ENPP6: variants seen among roughly 807,000 people sequenced by gnomAD.
The protein encoded by ENPP6 is glycerophosphocholine cholinephosphodiesterase ENPP6.
A neutral mutation model predicts 42.0 loss-of-function variants in ENPP6; 32 were observed. The ratio of observed to expected loss-of-function variants is 0.76; its 90% CI spans 0.58 to 1.02. The LOEUF (loss-of-function observed/expected upper bound fraction) is 1.02. Ranked by LOEUF, ENPP6 falls within the 50% of genes least tolerant of loss-of-function variation. The pLI is 0.00. For missense variants in ENPP6, 552 were observed against 566.8 expected (o/e 0.97, Z 0.27); for synonymous variants, 213 against 216.0 (o/e 0.99, Z 0.12).
intron 1 of ENPP6, among the ~76,000 whole-genome samples, chr4:184,195,249 T>C (rs7660822): frequency 2.7e-4 from 41 of 152,236 alleles, no homozygotes; most frequent in African/African-American, 8.9e-4. Context: ...TAGTACCCAA[T>C]AGTTATTTTT....
intron 2 of ENPP6, among the ~76,000 whole-genome samples, chr4:184,144,424 C>T (rs1463443515): frequency 6.6e-6 from 1 of 152,166 alleles, no homozygotes; most frequent in Non-Finnish European, 1.5e-5. Flanking sequence ...ACGGGACAGA[C>T]AGCCCCAAAC....
At chr4:184,191,786 A>T (rs1320102502) in intron 1 of ENPP6, among the ~76,000 whole-genome samples, 1 of 152,268 alleles carries the variant, frequency 6.6e-6, no homozygotes, top group Non-Finnish European at 1.5e-5. Context: ...TCAGGAATAC[A>T]CAAAAAACTT....
intron 2 of ENPP6, among the ~76,000 whole-genome samples, chr4:184,153,208 C>G (rs1487344158): frequency 6.6e-6 from 1 of 151,824 alleles, no homozygotes; most frequent in East Asian, 1.9e-4. Flanking sequence ...TCACCACAAC[C>G]TCCGCCTCCT....
At chr4:184,140,058 G>T (rs1296459217) in intron 2 of ENPP6, among the ~76,000 whole-genome samples, 102 of 148,982 alleles carry the variant, frequency 6.8e-4, no homozygotes, top group East Asian at 2.2e-3. Context: ...TTCTAACTGG[G>T]GTGAGATGGT....
At chr4:184,144,019 A>G (rs6552752) in intron 2 of ENPP6, among the ~76,000 whole-genome samples, 146,539 of 152,246 alleles carry the variant, frequency 0.96, 70,752 homozygotes, top group East Asian at 1. Context: ...CCAAGGGCCC[A>G]CAGACTCAGC....
intron 1 of ENPP6, among the ~76,000 whole-genome samples, chr4:184,206,251 A>ATTCTTTTTTTTTTTTTT: frequency 1.1e-5 from 1 of 93,408 alleles, no homozygotes; most frequent in African/African-American, 4.4e-5. Flanking sequence ...GGAAGCTTGA[A>ATTCTTTTTTTTTTTTTT]TTTTTTTTTT....
At chr4:184,189,388 C>G (rs544574436) in intron 1 of ENPP6, among the ~76,000 whole-genome samples, 20 of 152,336 alleles carry the variant, frequency 1.3e-4, no homozygotes, top group Non-Finnish European at 2.5e-4. Flanking sequence ...TACCTCAAAT[C>G]AGGCCACTTT....
intron 5 of ENPP6, among the ~76,000 whole-genome samples, chr4:184,114,742 T>C (rs1336429199): frequency 2.7e-5 from 4 of 147,988 alleles, no homozygotes; most frequent in South Asian, 4.3e-4. Flanking sequence ...AAGTGCCAAA[T>C]TGGACACAAG....
chr4:184,152,096 G>T (rs905862080), intron 2 of ENPP6, among the ~76,000 whole-genome samples: 1 of 152,214 alleles, frequency 6.6e-6, no homozygotes, highest in African/African-American at 2.4e-5. Context: ...TGGCCCAGCT[G>T]TGAATTCATG....
At chr4:184,162,592 G>A (rs999730870) in intron 1 of ENPP6, among the ~76,000 whole-genome samples, 8 of 152,002 alleles carry the variant, frequency 5.3e-5, no homozygotes, top group Non-Finnish European at 2.9e-5. Context: ...AGGAAGAGAG[G>A]GAGGGAGGGA....
intron 6 of ENPP6, among the ~76,000 whole-genome samples, 199 bp from the exon 7 acceptor site, chr4:184,097,567 C>G (rs1735933922): frequency 1.3e-5 from 2 of 152,170 alleles, no homozygotes; most frequent in African/African-American, 2.4e-5. Context: ...GATTGCTAAG[C>G]GCTGTGGTTA....
At position 184,206,019 on chromosome 4, in the gene ENPP6, C is replaced by T. The variant is rs192282227; in HGVS notation, c.241+11560G>A. Among the ~76,000 whole-genome samples the T allele has an allele frequency of 2.6e-3, 397 of 152,164 alleles. 3 individuals are homozygous for T. Among genetic ancestry groups the T allele is most frequent in the African/African-American group, 9.3e-3 (385 of 41,516 alleles). ...AGGACACTGTTCCAAACAGAAGCTT[C>T]GCTGGATTTGGTGCAAGAGAGAGTA... is the stretch of plus-strand genomic sequence containing the variant. On this transcript the variant is annotated intron_variant, in intron 1 of 7. Transcript: ENST00000296741.
chr4:184,116,901 G>T lies in ENPP6; in HGVS notation c.810C>A (p.Arg270=). ...CCGGCCAAAGGCTCACAACAGGCCC[G>T]CGGTCCTTCACTTGCTGCAGGTCAT... The part of the protein sequence containing the change: ...SLNDLQQVKD[R]GPVVSLWPAP... The change falls in exon 5 of 8, where the codon CGC becomes CGA. Residue 270 remains arginine (R), a synonymous_variant. Transcript: ENST00000296741. 6.2e-7 allele frequency: 1 copy of T among 1,614,130 alleles called. No homozygotes were observed. Among genetic ancestry groups the T allele is most frequent in the Non-Finnish European group, 8.5e-7 (1 of 1,180,032 alleles).
intron 1 of ENPP6, among the ~76,000 whole-genome samples, chr4:184,209,650 G>A (rs1358912437): frequency 2.0e-5 from 3 of 150,216 alleles, no homozygotes; most frequent in Non-Finnish European, 4.4e-5. Flanking sequence ...GAACCAAGTT[G>A]GAAAACACTC....
chr4:184,128,265 C>G (rs1250776580), intron 2 of ENPP6, among the ~76,000 whole-genome samples: 1 of 152,208 alleles, frequency 6.6e-6, no homozygotes, highest in Non-Finnish European at 1.5e-5. Context: ...ACTGCAACTT[C>G]CACCTCCCGG....
intron 2 of ENPP6, among the ~76,000 whole-genome samples, chr4:184,135,848 C>G (rs960437903): frequency 2.6e-5 from 4 of 152,156 alleles, no homozygotes; most frequent in Admixed American, 1.3e-4. Flanking sequence ...TGTTCTAACA[C>G]TGCACATTAG....
At chr4:184,115,986 C>A (rs1238969811) in intron 5 of ENPP6, among the ~76,000 whole-genome samples, 1 of 151,856 alleles carries the variant, frequency 6.6e-6, no homozygotes, top group Non-Finnish European at 1.5e-5. Flanking sequence ...GAGGCCGAGG[C>A]AGGTGGATCA....
intron 5 of ENPP6, among the ~76,000 whole-genome samples, chr4:184,115,530 A>G (rs368275735): frequency 3.3e-5 from 5 of 152,170 alleles, no homozygotes; most frequent in African/African-American, 1.2e-4. Context: ...CCATCTTGGC[A>G]CTGTGGGAAC....
rs1473058222 is a variant in ENPP6 at position 184,125,942 on chromosome 4, A to AT, written c.422-1671dup. ...GAATTGTTATTGCTCTCTCAAAGCT[A>AT]TTTTTTCTGTATCCACCTTGTGCTC... On this transcript the variant is annotated intron_variant, in intron 2 of 7. Transcript: ENST00000296741. 2.0e-5 allele frequency among the ~76,000 whole-genome samples: 3 copies of AT among 152,204 alleles called. No homozygotes were observed. In the East Asian group the frequency reaches 5.8e-4, roughly 29 times the overall value.
Sources: gnomAD v4.1 joint callset for allele counts (sites outside exome capture counted in the v4.1 genomes callset) on GRCh38, gnomAD v4.1.1 for gene constraint, MANE v1.5 for transcripts, NCBI Gene and HGNC (gene_info 2026-07-23, HGNC 2026-07-21) for gene names.